PDE3B: variants seen among roughly 807,000 people sequenced by gnomAD.
PDE3B encodes the protein phosphodiesterase 3B.
In PDE3B, 66 loss-of-function variants were observed where a neutral mutation model predicts 116.8. The observed-to-expected ratio is 0.56, with a 90% CI of 0.46 to 0.69. PDE3B has a LOEUF of 0.69. Ranked by LOEUF, PDE3B falls within the 30% of genes least tolerant of loss-of-function variation. The pLI, the probability that PDE3B is intolerant of heterozygous loss-of-function variation, is 0.00. For missense variants in PDE3B, 1,384 were observed against 1,368.1 expected (o/e 1.01, Z -0.18); for synonymous variants, 595 against 533.6 (o/e 1.12, Z -1.59).
intron 1 of PDE3B, among the ~76,000 whole-genome samples, chr11:14,749,011 C>T (rs1856987586): frequency 6.6e-6 from 1 of 151,766 alleles, no homozygotes; most frequent in African/African-American, 2.4e-5. Context: ...GCTTCAGCCT[C>T]CCAAGTAGCT....
chr11:14,817,518 G>A (rs1358211953), intron 5 of PDE3B, among the ~76,000 whole-genome samples: 4 of 152,296 alleles, frequency 2.6e-5, no homozygotes, highest in South Asian at 2.1e-4. Flanking sequence ...GGGAGGCTGA[G>A]GCAGGAGGAT....
chr11:14,837,972 ATTTAT>A (rs1459798884), intron 11 of PDE3B, among the ~76,000 whole-genome samples: 1 of 151,518 alleles, frequency 6.6e-6, no homozygotes, highest in African/African-American at 2.4e-5. Flanking sequence ...TTTTTTTTTA[ATTTAT>A]TTTATTTTAT....
chr11:14,845,416 C>A (rs1847576231), intron 12 of PDE3B, among the ~76,000 whole-genome samples: 1 of 151,878 alleles, frequency 6.6e-6, no homozygotes, highest in Non-Finnish European at 1.5e-5. Context: ...ACTGGAAACT[C>A]TAAAAAGCAG....
intron 10 of PDE3B, among the ~76,000 whole-genome samples, chr11:14,834,423 C>T (rs1859991152): frequency 6.6e-6 from 1 of 152,136 alleles, no homozygotes; most frequent in Admixed American, 6.6e-5. Flanking sequence ...GTTCTGAAGC[C>T]TATACTCTTT....
chr11:14,818,522 A>G (rs1408554536), intron 6 of PDE3B, 129 bp downstream of exon 6: 1 of 623,024 alleles, frequency 1.6e-6, no homozygotes, highest in African/African-American at 1.8e-5. Flanking sequence ...CGGTGTTATA[A>G]TGAAATGACA....
intron 1 of PDE3B, among the ~76,000 whole-genome samples, chr11:14,744,002 A>G (rs1856840495): frequency 1.3e-5 from 2 of 152,226 alleles, no homozygotes; most frequent in South Asian, 4.1e-4. Flanking sequence ...AGCTGTTGCT[A>G]TTCGACCATC....
intron 12 of PDE3B, among the ~76,000 whole-genome samples, chr11:14,849,548 G>C (rs1388022542): frequency 6.6e-6 from 1 of 152,028 alleles, no homozygotes; most frequent in Admixed American, 6.6e-5. Context: ...GAGTGAACAG[G>C]CAACCTACAA....
At chr11:14,738,025 A>G (rs1008022855) in intron 1 of PDE3B, among the ~76,000 whole-genome samples, 1 of 152,082 alleles carries the variant, frequency 6.6e-6, no homozygotes, top group Non-Finnish European at 1.5e-5. Context: ...TCATTGTTGA[A>G]CATTTGGGTT....
intron 5 of PDE3B, among the ~76,000 whole-genome samples, chr11:14,808,913 A>G (rs1242834840): frequency 1.3e-5 from 2 of 152,240 alleles, no homozygotes; most frequent in Non-Finnish European, 2.9e-5. Flanking sequence ...AAGACTTAAT[A>G]TTATTAAGAT....
chr11:14,883,831 T>G, the PDE3B span, among the ~76,000 whole-genome samples: 1 of 151,934 alleles, frequency 6.6e-6, no homozygotes, highest in Non-Finnish European at 1.5e-5. Flanking sequence ...CTCAAACAAA[T>G]TTACAAGAAA....
chr11:14,677,844 T>C (rs993516205), intron 1 of PDE3B, among the ~76,000 whole-genome samples: 8 of 152,346 alleles, frequency 5.3e-5, no homozygotes, highest in African/African-American at 1.7e-4. Flanking sequence ...TTGAGATTCA[T>C]CCGAGTTGTT....
intron 1 of PDE3B, among the ~76,000 whole-genome samples, chr11:14,728,193 C>T (rs1565111177): frequency 6.6e-6 from 1 of 151,960 alleles, no homozygotes; most frequent in Non-Finnish European, 1.5e-5. Flanking sequence ...TAAACAAGCT[C>T]TTTCATTTCA....
At chr11:14,730,810 C>T (rs1187446931) in intron 1 of PDE3B, among the ~76,000 whole-genome samples, 1 of 152,156 alleles carries the variant, frequency 6.6e-6, no homozygotes, top group Non-Finnish European at 1.5e-5. Context: ...GGAACAAAAA[C>T]TTTAGAGCCA....
At chr11:14,892,049 A>T in the PDE3B span, 1 of 1,613,068 alleles carries the variant, frequency 6.2e-7, no homozygotes, top group Admixed American at 1.7e-5. Flanking sequence ...GCCAGGGAAT[A>T]GATGTTGCCG....
chr11:14,862,967 T>C (rs1278787559), intron 14 of PDE3B, among the ~76,000 whole-genome samples: 1 of 152,060 alleles, frequency 6.6e-6, no homozygotes, highest in East Asian at 1.9e-4. Context: ...ACACGTGCCA[T>C]GGTGGTTTGC....
intron 2 of PDE3B, chr11:14,773,294 C>T (rs1670572762): frequency 6.6e-6 from 1 of 151,698 alleles, no homozygotes; most frequent in Non-Finnish European, 1.5e-5. Flanking sequence ...CCCTGTATTC[C>T]CAGAATAAAG....
At chr11:14,749,295 CT>C (rs1856994942) in intron 1 of PDE3B, among the ~76,000 whole-genome samples, 1 of 152,068 alleles carries the variant, frequency 6.6e-6, no homozygotes, top group African/African-American at 2.4e-5. Context: ...ATCATCTAGT[CT>C]GGCCTTTCAG....
rs74478740 is a variant in PDE3B at position 14,649,819 on chromosome 11, G to A, written c.978+4766G>A. Among the ~76,000 whole-genome samples, 874 of 152,334 alleles carry A rather than the reference G, an allele frequency of 5.7e-3. 8 individuals are homozygous for A. The highest frequency in any genetic ancestry group is 7.1e-3 in the Non-Finnish European group (484 of 68,028). On this transcript the variant is annotated intron_variant, in intron 1 of 15. Coordinates refer to ENST00000282096, the MANE Select transcript of PDE3B (RefSeq NM_000922.4). ...CAAAAGGAGAGTAGGAAGAATGGAA[G>A]TGAACTGACTATTGCCTGCTTCGCT...
chr11:14,768,986 T>A (rs1481330577), intron 1 of PDE3B, among the ~76,000 whole-genome samples: 1 of 151,534 alleles, frequency 6.6e-6, no homozygotes, highest in Non-Finnish European at 1.5e-5. Flanking sequence ...GGCAGTCTGC[T>A]AGCTCTTTGT....
Sources: allele counts gnomAD v4.1 joint callset (sites outside exome capture counted in the v4.1 genomes callset), GRCh38; gene constraint gnomAD v4.1.1; transcripts MANE v1.5; gene names NCBI Gene and HGNC (gene_info 2026-07-23, HGNC 2026-07-21).